Variants in VWC2 observed in about 807,000 individuals in gnomAD.
VWC2 encodes the protein von Willebrand factor C domain containing 2, also known as brorin.
A neutral mutation model predicts 29.8 loss-of-function variants in VWC2; 14 were observed. That is an observed-to-expected ratio of 0.47 (90% CI 0.31 to 0.74). The LOEUF (loss-of-function observed/expected upper bound fraction) is 0.74. Among genes scored for constraint, VWC2 ranks in the 30% least tolerant of loss-of-function variants. The probability of loss-of-function intolerance (pLI) is 0.05; values close to 1 mark genes in which losing one functional copy is unlikely to be tolerated. For synonymous variants in VWC2, 213 were observed against 199.0 expected (o/e 1.07, Z -0.59); for missense variants, 457 against 459.8 (o/e 0.99, Z 0.05).
chr7:49,893,699 A>G (rs1792244759), intron 3 of VWC2, among the ~76,000 whole-genome samples: 1 of 152,070 alleles, frequency 6.6e-6, no homozygotes, highest in Non-Finnish European at 1.5e-5. Flanking sequence ...CAGGTATATA[A>G]AAGGGAAATC....
intron 3 of VWC2, among the ~76,000 whole-genome samples, chr7:49,813,645 T>A (rs1024029002): frequency 4.6e-5 from 7 of 152,238 alleles, no homozygotes; most frequent in Non-Finnish European, 8.8e-5. Context: ...AATTAATTTA[T>A]GTTTGGTGTA....
chr7:49,890,143 C>A (rs1792069031), intron 3 of VWC2, among the ~76,000 whole-genome samples: 1 of 152,184 alleles, frequency 6.6e-6, no homozygotes, highest in Non-Finnish European at 1.5e-5. Flanking sequence ...AATATTAACA[C>A]AGATGAAGCA....
At chr7:49,878,216 C>T (rs1310043581) in intron 3 of VWC2, among the ~76,000 whole-genome samples, 1 of 152,108 alleles carries the variant, frequency 6.6e-6, no homozygotes, top group Admixed American at 6.6e-5. Flanking sequence ...CACATATATT[C>T]GTTCCTTGTA....
At chr7:49,789,202 T>TGG (rs928256070) in intron 2 of VWC2, among the ~76,000 whole-genome samples, 15 of 142,752 alleles carry the variant, frequency 1.1e-4, no homozygotes, top group African/African-American at 3.5e-4. Context: ...TGTGTGAGTG[T>TGG]GGGTGTGTGT....
In VWC2 at chr7:49,774,048, C is replaced by G. The variant is rs1027841063; in HGVS notation, c.-169C>G. The G allele has an allele frequency of 6.6e-6, 1 of 152,014 alleles. No individual in the cohort carries two copies. The highest frequency in any genetic ancestry group is 1.5e-5 in the Non-Finnish European group (1 of 68,090). 9.4% of individuals were successfully genotyped at this position (152,014 alleles called of 1,614,324 possible). A position where few individuals can be genotyped will look rare whatever the true frequency, so the allele number is the denominator to read the frequency against. On this transcript the variant is annotated 5_prime_UTR_variant, in exon 1 of 4. Transcript: ENST00000340652. ...AGGATGGGCGCTGGCAACCCGGGCC[C>G]GCGCCCGCCGCTGCTACCCCTGCGC...
chr7:49,830,958 G>T (rs924286806), intron 3 of VWC2, among the ~76,000 whole-genome samples: 1 of 152,078 alleles, frequency 6.6e-6, no homozygotes, highest in Non-Finnish European at 1.5e-5. Context: ...TTGCTATTGT[G>T]AATAGTGCCG....
rs1241774359 is a variant in VWC2 at position 49,919,677 on chromosome 7, A to C, written c.*7492A>C. 6.6e-6 allele frequency: 1 copy of C among 152,276 alleles called. No homozygotes were observed. The highest frequency in any genetic ancestry group is 1.5e-5 in the Non-Finnish European group (1 of 68,036). 9.4% of individuals were successfully genotyped at this position (152,276 alleles called of 1,614,324 possible). On this transcript the variant is annotated 3_prime_UTR_variant, in exon 4 of 4. Transcript: ENST00000340652. ...GGTGTATGCTATTTCTTAAAACAAA[A>C]ACAAAGATTGTCCCCACTCCAAACA...
intron 3 of VWC2, among the ~76,000 whole-genome samples, chr7:49,903,533 A>C (rs1047359184): frequency 6.6e-6 from 1 of 152,178 alleles, no homozygotes; most frequent in Admixed American, 6.5e-5. Flanking sequence ...GTATTCTTTT[A>C]ATAATAAAAC....
At chr7:49,789,362 TGTGTGA>T (rs775666918) in intron 2 of VWC2, among the ~76,000 whole-genome samples, 21 of 151,700 alleles carry the variant, frequency 1.4e-4, no homozygotes, top group Admixed American at 3.3e-4. Context: ...GCTGTGTGTG[TGTGTGA>T]GTGTGAGTGT....
At chr7:49,877,944 T>G (rs1490855059) in intron 3 of VWC2, among the ~76,000 whole-genome samples, 1 of 152,104 alleles carries the variant, frequency 6.6e-6, no homozygotes, top group Non-Finnish European at 1.5e-5. Flanking sequence ...TCTGTCATTT[T>G]GGGGTTTAGT....
intron 3 of VWC2, among the ~76,000 whole-genome samples, chr7:49,884,654 G>C (rs1207696291): frequency 6.6e-6 from 1 of 152,124 alleles, no homozygotes; most frequent in African/African-American, 2.4e-5. Context: ...AGTTGAGCTG[G>C]TTTCCTCAGG....
chr7:49,825,281 T>C (rs1027983754), intron 3 of VWC2, among the ~76,000 whole-genome samples: 2 of 152,214 alleles, frequency 1.3e-5, no homozygotes, highest in Non-Finnish European at 2.9e-5. Flanking sequence ...CCTTAAAATC[T>C]TTAAACATCC....
At chr7:49,833,263 G>C (rs1044794025) in intron 3 of VWC2, among the ~76,000 whole-genome samples, 1 of 152,182 alleles carries the variant, frequency 6.6e-6, no homozygotes, top group African/African-American at 2.4e-5. Context: ...GTGGTAAGTT[G>C]ATAAGTCTAT....
At position 49,881,129 on chromosome 7, in the gene VWC2, G is replaced by A. The variant is rs183976362; in HGVS notation, c.827-30905G>A. On this transcript the variant is annotated intron_variant, in intron 3 of 3. Coordinates refer to ENST00000340652, the MANE Select transcript of VWC2 (RefSeq NM_198570.5). The stretch of plus-strand genomic sequence containing the variant: ...TCTCAGCCTGAGAGGCCAGGTTTGC[G>A]TTTGACTTGTATTCAGTTGTCCTGA... Among the ~76,000 whole-genome samples the A allele has an allele frequency of 1.1e-4, 17 of 152,180 alleles. No homozygotes were observed. In the East Asian group the frequency reaches 2.7e-3, roughly 24 times the overall value.
intron 3 of VWC2, among the ~76,000 whole-genome samples, chr7:49,869,314 G>A (rs773178559): frequency 6.6e-6 from 1 of 152,114 alleles, no homozygotes; most frequent in Non-Finnish European, 1.5e-5. Context: ...CCAGGAATCT[G>A]GGGGAGAATA....
chr7:49,800,848 C>CAAA (rs1167626390), intron 2 of VWC2, among the ~76,000 whole-genome samples: 13 of 63,222 alleles, frequency 2.1e-4, no homozygotes, highest in Non-Finnish European at 2.6e-4. Context: ...GTTATGGTAG[C>CAAA]AAAAAAAAAA....
intron 3 of VWC2, among the ~76,000 whole-genome samples, chr7:49,905,266 C>T (rs1793024855): frequency 6.6e-6 from 1 of 152,108 alleles, no homozygotes; most frequent in South Asian, 2.1e-4. Flanking sequence ...CAGTACTTAT[C>T]ATGAGAGTAC....
intron 2 of VWC2, among the ~76,000 whole-genome samples, chr7:49,785,387 G>A (rs927753274): frequency 6.6e-6 from 1 of 152,164 alleles, no homozygotes; most frequent in African/African-American, 2.4e-5. Context: ...AGAGACGGCA[G>A]TTCCAAGACT....
intron 3 of VWC2, among the ~76,000 whole-genome samples, chr7:49,855,290 CTCTT>C (rs1790370480): frequency 6.6e-6 from 1 of 152,160 alleles, no homozygotes; most frequent in East Asian, 1.9e-4. Flanking sequence ...ACGGTGTAGT[CTCTT>C]TCTTAGTGAA....
Sources: allele counts gnomAD v4.1 joint callset (sites outside exome capture counted in the v4.1 genomes callset), GRCh38; gene constraint gnomAD v4.1.1; transcripts MANE v1.5; gene names NCBI Gene and HGNC (gene_info 2026-07-23, HGNC 2026-07-21).